COL24A1: variants seen among roughly 807,000 people sequenced by gnomAD.
The protein encoded by COL24A1 is collagen type XXIV alpha 1 chain, also known as collagen alpha-1(XXIV) chain.
A neutral mutation model predicts 253.9 loss-of-function variants in COL24A1; 224 were observed. The observed-to-expected ratio is 0.88, with a 90% CI of 0.79 to 0.99. The LOEUF is 0.99. Among genes scored for constraint, COL24A1 ranks in the 50% least tolerant of loss-of-function variants. The pLI, the probability that COL24A1 is intolerant of heterozygous loss-of-function variation, is 0.00. For synonymous variants in COL24A1, 685 were observed against 673.7 expected (o/e 1.02, Z -0.26); for missense variants, 2,131 against 2,068.5 (o/e 1.03, Z -0.59).
intron 7 of COL24A1, among the ~76,000 whole-genome samples, chr1:86,081,451 G>A (rs946258718): frequency 3.3e-5 from 5 of 152,082 alleles, no homozygotes; most frequent in African/African-American, 1.2e-4. Flanking sequence ...TGTCAGCAGT[G>A]TCTCATGTCC....
At chr1:85,824,687 G>A (rs973369796) in intron 43 of COL24A1, among the ~76,000 whole-genome samples, 7 of 152,238 alleles carry the variant, frequency 4.6e-5, no homozygotes, top group Admixed American at 6.5e-5. Flanking sequence ...TTTCAAGTGT[G>A]TAAATAGAAA....
intron 47 of COL24A1, among the ~76,000 whole-genome samples, chr1:85,789,941 G>C (rs967637642): frequency 2.0e-5 from 3 of 152,150 alleles, no homozygotes; most frequent in African/African-American, 7.2e-5. Flanking sequence ...TGTACTGCTG[G>C]ATTTGGTTTG....
At chr1:85,875,716 GAC>G (rs141827930) in intron 33 of COL24A1, among the ~76,000 whole-genome samples, 14,029 of 140,568 alleles carry the variant, frequency 0.1, 958 homozygotes, top group African/African-American at 0.21. Context: ...CATTATAAAA[GAC>G]ACACACACAC....
intron 2 of COL24A1, among the ~76,000 whole-genome samples, chr1:86,136,854 T>C (rs1465760944): frequency 6.6e-6 from 1 of 152,136 alleles, no homozygotes; most frequent in African/African-American, 2.4e-5. Context: ...CATCAAATTG[T>C]CATCCTAATT....
chr1:86,003,363 C>A, intron 19 of COL24A1, among the ~76,000 whole-genome samples: 1 of 152,112 alleles, frequency 6.6e-6, no homozygotes, highest in East Asian at 1.9e-4. Flanking sequence ...GAATTGAACC[C>A]AAGTGGGACC....
At chr1:85,836,041 C>A (rs1675964399) in intron 43 of COL24A1, among the ~76,000 whole-genome samples, 1 of 152,154 alleles carries the variant, frequency 6.6e-6, no homozygotes, top group South Asian at 2.1e-4. Context: ...AGAGAATAAT[C>A]TGAATGAACA....
At chr1:86,096,999 A>G (rs1385789748) in intron 5 of COL24A1, among the ~76,000 whole-genome samples, 2 of 152,160 alleles carry the variant, frequency 1.3e-5, no homozygotes, top group Non-Finnish European at 2.9e-5. Context: ...CTCTCATTAA[A>G]CAGACAAATC....
At chr1:85,848,787 G>A (rs1677425094) in intron 38 of COL24A1, among the ~76,000 whole-genome samples, 1 of 152,144 alleles carries the variant, frequency 6.6e-6, no homozygotes. Context: ...ACAGCTAAGA[G>A]GCTTTATTTT....
At chr1:85,991,855 G>GTTTATTT (rs568226363) in intron 19 of COL24A1, among the ~76,000 whole-genome samples, 1 of 151,188 alleles carries the variant, frequency 6.6e-6, no homozygotes, top group East Asian at 1.9e-4. Context: ...ATAAGCACAA[G>GTTTATTT]TTTATTTTTT....
At chr1:85,849,752 C>G (rs749087652) in intron 37 of COL24A1, among the ~76,000 whole-genome samples, 1 of 152,166 alleles carries the variant, frequency 6.6e-6, no homozygotes, top group South Asian at 2.1e-4. Flanking sequence ...CTGTAAAACA[C>G]GTTTAACTAA....
At chr1:85,801,161 A>G (rs183560265) in intron 47 of COL24A1, among the ~76,000 whole-genome samples, 1 of 152,214 alleles carries the variant, frequency 6.6e-6, no homozygotes, top group East Asian at 1.9e-4. Context: ...TTCCTCCTGT[A>G]TCTGACTGTT....
In COL24A1 at chr1:85,906,403, TA is replaced by T. The variant is rs897956602; in HGVS notation, c.2778+790del. ...TAAAGCCCACATATCCAAATTAATTTAAAAAATACTCCCTGATATTCCATAT... is the reference window on the plus strand; with the variant it reads ...TAAAGCCCACATATCCAAATTAATTTAAAAATACTCCCTGATATTCCATAT... On this transcript the variant is annotated intron_variant, in intron 28 of 59. Transcript: ENST00000370571. 2.6e-5 allele frequency among the ~76,000 whole-genome samples: 4 copies of T among 151,544 alleles called. No individual in the cohort carries two copies. In the Admixed American group the frequency reaches 2.6e-4, roughly 10 times the overall value.
At chr1:85,760,998 G>C (rs1016878887) in intron 55 of COL24A1, among the ~76,000 whole-genome samples, 1 of 152,066 alleles carries the variant, frequency 6.6e-6, no homozygotes, top group Admixed American at 6.6e-5. Context: ...AGAAAGATTT[G>C]ATTTACTTCA....
At chr1:86,004,973 C>G (rs1695801513) in intron 19 of COL24A1, among the ~76,000 whole-genome samples, 1 of 152,178 alleles carries the variant, frequency 6.6e-6, no homozygotes, top group Non-Finnish European at 1.5e-5. Flanking sequence ...TGGGCACCTT[C>G]TTGTACTCCT....
At chr1:85,960,726 T>A (rs1013184306) in intron 24 of COL24A1, 3 of 152,540 alleles carry the variant, frequency 2.0e-5, no homozygotes, top group Non-Finnish European at 4.4e-5. Context: ...CTACTAAAAA[T>A]ACAAAAATTA....
intron 2 of COL24A1, among the ~76,000 whole-genome samples, chr1:86,132,605 C>A (rs767613399): frequency 1.3e-5 from 2 of 152,154 alleles, no homozygotes; most frequent in Non-Finnish European, 2.9e-5. Flanking sequence ...TTTCCCAGCA[C>A]CATTTGTTAA....
intron 47 of COL24A1, among the ~76,000 whole-genome samples, chr1:85,794,084 A>G (rs1670575812): frequency 6.6e-6 from 1 of 152,186 alleles, no homozygotes; most frequent in Admixed American, 6.5e-5. Context: ...TTATAGATGT[A>G]GATCGTGTGA....
At chr1:86,079,184 G>A (rs1401211681) in intron 7 of COL24A1, among the ~76,000 whole-genome samples, 1 of 152,116 alleles carries the variant, frequency 6.6e-6, no homozygotes, top group Non-Finnish European at 1.5e-5. Context: ...CGACAAAGTT[G>A]CCAAGAACAG....
intron 24 of COL24A1, among the ~76,000 whole-genome samples, chr1:85,939,381 C>T (rs924228648): frequency 6.6e-6 from 1 of 152,228 alleles, no homozygotes; most frequent in African/African-American, 2.4e-5. Context: ...CTGTTGCTAT[C>T]CTTAGGAAAC....
Sources: allele counts gnomAD v4.1 joint callset (sites outside exome capture counted in the v4.1 genomes callset), GRCh38; gene constraint gnomAD v4.1.1; transcripts MANE v1.5; gene names NCBI Gene and HGNC (gene_info 2026-07-23, HGNC 2026-07-21).